The following NEGR1 variants were observed in gnomAD, a reference collection of about 807,000 sequenced individuals.
NEGR1 encodes the protein IgLON family member 4.
In NEGR1, 10 loss-of-function variants were observed where a neutral mutation model predicts 40.9. The ratio of observed to expected loss-of-function variants is 0.24; its 90% CI spans 0.15 to 0.42. The LOEUF (loss-of-function observed/expected upper bound fraction) is 0.42. Ranked by LOEUF, NEGR1 falls within the 10% of genes least tolerant of loss-of-function variation. The pLI, the probability that NEGR1 is intolerant of heterozygous loss-of-function variation, is 1.00. For synonymous variants in NEGR1, 185 were observed against 166.8 expected (o/e 1.11, Z -0.84); for missense variants, 352 against 438.9 (o/e 0.80, Z 1.77).
intron 2 of NEGR1, among the ~76,000 whole-genome samples, chr1:71,825,294 A>G (rs1557666951): frequency 1.3e-5 from 2 of 151,914 alleles, no homozygotes; most frequent in African/African-American, 2.4e-5. Context: ...TGTGGTTTAA[A>G]TCTCCTTCAG....
chr1:71,561,375 G>A (rs183132817), intron 6 of NEGR1, among the ~76,000 whole-genome samples: 47 of 151,562 alleles, frequency 3.1e-4, no homozygotes, highest in East Asian at 9.8e-4. Context: ...AAAAATTTCC[G>A]CAGTTTGGAT....
At chr1:72,040,800 A>G (rs1646946908) in intron 1 of NEGR1, among the ~76,000 whole-genome samples, 2 of 151,880 alleles carry the variant, frequency 1.3e-5, no homozygotes, top group Non-Finnish European at 1.5e-5. Context: ...TGTAAAAAAT[A>G]GCACTTTAAA....
chr1:72,266,220 A>G (rs996135451), intron 1 of NEGR1, among the ~76,000 whole-genome samples: 10 of 150,956 alleles, frequency 6.6e-5, no homozygotes, highest in African/African-American at 2.4e-4. Context: ...ATGCCAATAC[A>G]TATTTACCTC....
chr1:72,074,672 C>T (rs1025404484), intron 1 of NEGR1, among the ~76,000 whole-genome samples: 1 of 152,042 alleles, frequency 6.6e-6, no homozygotes, highest in Admixed American at 6.6e-5. Context: ...TGTGATTAAG[C>T]ATAATTTTAT....
intron 1 of NEGR1, among the ~76,000 whole-genome samples, chr1:71,950,201 G>A (rs1646057008): frequency 6.6e-6 from 1 of 151,842 alleles, no homozygotes; most frequent in Non-Finnish European, 1.5e-5. Context: ...CCTACTGTGT[G>A]GCAGTAACTC....
intron 2 of NEGR1, among the ~76,000 whole-genome samples, chr1:71,883,949 G>C (rs1040852470): frequency 6.6e-6 from 1 of 151,886 alleles, no homozygotes; most frequent in Non-Finnish European, 1.5e-5. Context: ...CAAAATTTCT[G>C]ATATGAATAA....
At chr1:71,853,843 T>G (rs1194824668) in intron 2 of NEGR1, among the ~76,000 whole-genome samples, 1 of 152,160 alleles carries the variant, frequency 6.6e-6, no homozygotes, top group Non-Finnish European at 1.5e-5. Context: ...CGGTTCTCAC[T>G]TTGGTTATTA....
At chr1:72,088,216 T>C (rs910892763) in intron 1 of NEGR1, among the ~76,000 whole-genome samples, 14 of 152,274 alleles carry the variant, frequency 9.2e-5, no homozygotes, top group African/African-American at 3.1e-4. Context: ...GTGTGGTCCC[T>C]AGACCAGCAG....
intron 4 of NEGR1, among the ~76,000 whole-genome samples, chr1:71,645,261 G>A (rs1651492848): frequency 6.6e-6 from 1 of 151,978 alleles, no homozygotes; most frequent in Non-Finnish European, 1.5e-5. Flanking sequence ...AGAGTGCTTT[G>A]CACATAGTAT....
intron 3 of NEGR1, among the ~76,000 whole-genome samples, chr1:71,744,373 A>C (rs939621209): frequency 6.8e-6 from 1 of 148,140 alleles, no homozygotes; most frequent in Non-Finnish European, 1.5e-5. Flanking sequence ...TAATAATAAT[A>C]ATAAGCCAGG....
intron 6 of NEGR1, among the ~76,000 whole-genome samples, chr1:71,557,483 A>G (rs768427383): frequency 2.0e-4 from 30 of 151,632 alleles, no homozygotes; most frequent in Non-Finnish European, 2.7e-4. Context: ...GAAAGCAAGT[A>G]TTGATAAAAC....
Position 71,398,525 on chromosome 1 carries a change from C to T in NEGR1, c.*8921G>A, listed in dbSNP as rs1175293434. 6.6e-6 allele frequency: 1 copy of T among 152,228 alleles called. No homozygotes were observed. The highest frequency in any genetic ancestry group is 1.5e-5 in the Non-Finnish European group (1 of 68,094). 9.4% of individuals were successfully genotyped at this position (152,228 alleles called of 1,614,324 possible). Reference sequence around the variant, plus strand: ...TTCCACTTGGAATGGCTATGCTTACCCAATGCCTGTACTTCCATTGCATCT... The same window carrying T: ...TTCCACTTGGAATGGCTATGCTTACTCAATGCCTGTACTTCCATTGCATCT... On this transcript the variant is annotated 3_prime_UTR_variant, in exon 7 of 7. Coordinates refer to ENST00000357731, the MANE Select transcript of NEGR1 (RefSeq NM_173808.3).
chr1:71,816,182 A>C (rs1002747270), intron 2 of NEGR1, among the ~76,000 whole-genome samples: 1 of 152,052 alleles, frequency 6.6e-6, no homozygotes, highest in Non-Finnish European at 1.5e-5. Context: ...AAGAGAACTC[A>C]ATATGTGAAA....
chr1:71,558,168 T>A (rs2101476733), intron 6 of NEGR1, among the ~76,000 whole-genome samples: 1 of 151,714 alleles, frequency 6.6e-6, no homozygotes, highest in South Asian at 2.1e-4. Context: ...GTAAAGTGAC[T>A]ATTTTTCTTT....
At chr1:71,740,221 C>A (rs867254407) in intron 3 of NEGR1, among the ~76,000 whole-genome samples, 1 of 152,160 alleles carries the variant, frequency 6.6e-6, no homozygotes, top group Non-Finnish European at 1.5e-5. Flanking sequence ...TTTTGTTCTA[C>A]GTCACAACCA....
intron 2 of NEGR1, among the ~76,000 whole-genome samples, chr1:71,872,154 G>A (rs1553171240): frequency 1.3e-5 from 2 of 152,120 alleles, no homozygotes; most frequent in Non-Finnish European, 2.9e-5. Context: ...TTAACCTTAT[G>A]ATAATATTAT....
intron 1 of NEGR1, among the ~76,000 whole-genome samples, chr1:72,214,279 G>A (rs942659416): frequency 1.3e-5 from 2 of 152,016 alleles, no homozygotes; most frequent in Admixed American, 6.6e-5. Flanking sequence ...GGCAAAAGCT[G>A]GAAGGATTCC....
chr1:72,121,368 T>C (rs1252116125), intron 1 of NEGR1, among the ~76,000 whole-genome samples: 1 of 152,048 alleles, frequency 6.6e-6, no homozygotes, highest in African/African-American at 2.4e-5. Flanking sequence ...TTCGAACTTC[T>C]ACTTTAGATA....
chr1:71,901,197 T>C (rs1008132684), intron 2 of NEGR1, among the ~76,000 whole-genome samples: 4 of 152,178 alleles, frequency 2.6e-5, no homozygotes, highest in South Asian at 4.1e-4. Flanking sequence ...TTTCATTCTA[T>C]ATAGTTAGTA....
Sources: gnomAD v4.1 joint callset for allele counts (sites outside exome capture counted in the v4.1 genomes callset) on GRCh38, gnomAD v4.1.1 for gene constraint, MANE v1.5 for transcripts, NCBI Gene and HGNC (gene_info 2026-07-23, HGNC 2026-07-21) for gene names.